PTPRD: variants seen among roughly 807,000 people sequenced by gnomAD.
PTPRD encodes the protein protein tyrosine phosphatase receptor type D.
In PTPRD, 34 loss-of-function variants were observed where a neutral mutation model predicts 214.5. The ratio of observed to expected loss-of-function variants is 0.16; its 90% CI spans 0.12 to 0.21. PTPRD has a LOEUF of 0.21. Among genes scored for constraint, PTPRD ranks in the 10% least tolerant of loss-of-function variants. The pLI, the probability that PTPRD is intolerant of heterozygous loss-of-function variation, is 1.00. For missense variants in PTPRD, 2,545 were observed against 2,398.7 expected, an observed-to-expected ratio of 1.06 and a Z score of -1.27; for synonymous variants, 1,128 against 845.7, an observed-to-expected ratio of 1.33 and a Z score of -5.79.
At position 9,828,402 on chromosome 9, in the gene PTPRD, CA is replaced by C. The variant is rs781293781; in HGVS notation, c.-367-61552del. On this transcript the variant is annotated intron_variant, in intron 5 of 45. Transcript: ENST00000381196. The stretch of plus-strand genomic sequence containing the variant: ...CATTCTCAGTAAACTATCACAAGGA[CA>C]AAAAACCAAACACTGCATGTTCTCA... 2.0e-5 allele frequency among the ~76,000 whole-genome samples: 3 copies of C among 152,032 alleles called. No homozygotes were observed. The East Asian group carries it at 5.8e-4, about 29-fold the overall frequency.
chr9:10,027,116 G>C (rs1250350080), intron 4 of PTPRD, among the ~76,000 whole-genome samples: 1 of 152,122 alleles, frequency 6.6e-6, no homozygotes, highest in Non-Finnish European at 1.5e-5. Flanking sequence ...AGGAATTAGA[G>C]TCAGATTCCT....
At chr9:9,402,125 C>A (rs906091696) in intron 8 of PTPRD, among the ~76,000 whole-genome samples, 1 of 151,664 alleles carries the variant, frequency 6.6e-6, no homozygotes, top group Non-Finnish European at 1.5e-5. Context: ...TATTGTAAAC[C>A]GACAGTAAAC....
chr9:8,760,922 C>G (rs188794486), intron 11 of PTPRD, among the ~76,000 whole-genome samples: 2 of 152,242 alleles, frequency 1.3e-5, no homozygotes, highest in East Asian at 3.9e-4. Flanking sequence ...ACTTCTATTT[C>G]TAGTGCCTAC....
intron 9 of PTPRD, among the ~76,000 whole-genome samples, chr9:9,374,176 G>A (rs1030679876): frequency 6.6e-6 from 1 of 151,954 alleles, no homozygotes; most frequent in East Asian, 1.9e-4. Flanking sequence ...TTTATGTAAA[G>A]TATTCCATCA....
chr9:10,280,309 A>C (rs2095025110), intron 3 of PTPRD, among the ~76,000 whole-genome samples: 1 of 151,794 alleles, frequency 6.6e-6, no homozygotes, highest in African/African-American at 2.4e-5. Context: ...AACACAGTTG[A>C]CAGGATGAGA....
intron 12 of PTPRD, among the ~76,000 whole-genome samples, chr9:8,668,518 T>G (rs1049661240): frequency 3.3e-5 from 5 of 152,184 alleles, no homozygotes; most frequent in Non-Finnish European, 5.9e-5. Flanking sequence ...TTACATAGAA[T>G]AAGATAATTT....
At chr9:8,825,143 A>G (rs903445244) in intron 11 of PTPRD, among the ~76,000 whole-genome samples, 1 of 152,162 alleles carries the variant, frequency 6.6e-6, no homozygotes, top group Admixed American at 6.5e-5. Context: ...TGAGGTCCCA[A>G]GATAACTTGT....
intron 11 of PTPRD, among the ~76,000 whole-genome samples, chr9:8,752,580 C>G (rs1364808535): frequency 1.3e-5 from 2 of 152,078 alleles, no homozygotes; most frequent in Non-Finnish European, 1.5e-5. Flanking sequence ...CTTTCTTGTG[C>G]GAGACTCAAG....
intron 12 of PTPRD, among the ~76,000 whole-genome samples, chr9:8,639,133 G>T (rs915528811): frequency 1.3e-5 from 2 of 152,252 alleles, no homozygotes; most frequent in African/African-American, 4.8e-5. Flanking sequence ...GAGCCACCAC[G>T]CCCGGCCTCA....
intron 39 of PTPRD, among the ~76,000 whole-genome samples, chr9:8,356,107 T>C (rs56380659): frequency 0.045 from 6,840 of 152,224 alleles, 410 homozygotes; most frequent in African/African-American, 0.13. Flanking sequence ...AAAGTTTGCT[T>C]TTCATTTTTT....
At chr9:8,475,292 A>C (rs1373983935) in intron 30 of PTPRD, among the ~76,000 whole-genome samples, 1 of 152,134 alleles carries the variant, frequency 6.6e-6, no homozygotes, top group Non-Finnish European at 1.5e-5. Flanking sequence ...TAAGATGTTA[A>C]CACTCTCCAT....
At chr9:10,039,402 G>A (rs954401258) in intron 3 of PTPRD, among the ~76,000 whole-genome samples, 2 of 151,966 alleles carry the variant, frequency 1.3e-5, no homozygotes, top group African/African-American at 4.8e-5. Context: ...GGACCTATAT[G>A]AGTTTTCTCG....
intron 5 of PTPRD, among the ~76,000 whole-genome samples, chr9:9,915,389 A>G (rs1057417237): frequency 5.3e-5 from 8 of 152,112 alleles, no homozygotes; most frequent in Non-Finnish European, 1.2e-4. Flanking sequence ...ACCAATCATA[A>G]GGAAATATAT....
chr9:8,799,928 T>G (rs867338729), intron 11 of PTPRD, among the ~76,000 whole-genome samples: 1 of 152,040 alleles, frequency 6.6e-6, no homozygotes, highest in East Asian at 1.9e-4. Flanking sequence ...AAAAACTTTT[T>G]GTTTTCAGGC....
chr9:9,956,038 C>T (rs575832530), intron 4 of PTPRD, among the ~76,000 whole-genome samples: 1 of 151,956 alleles, frequency 6.6e-6, no homozygotes, highest in African/African-American at 2.4e-5. Context: ...ATGTACCAAC[C>T]CACTAACTGT....
chr9:9,979,825 C>G (rs1002538667), intron 4 of PTPRD, among the ~76,000 whole-genome samples: 1 of 152,116 alleles, frequency 6.6e-6, no homozygotes, highest in African/African-American at 2.4e-5. Flanking sequence ...CCAGCTAACT[C>G]AGACATAGGT....
intron 2 of PTPRD, among the ~76,000 whole-genome samples, chr9:10,419,691 C>T (rs1057244142): frequency 3.3e-5 from 5 of 151,544 alleles, no homozygotes; most frequent in Non-Finnish European, 7.4e-5. Context: ...TTATGAAGTG[C>T]CAATGAAGAG....
intron 39 of PTPRD, among the ~76,000 whole-genome samples, chr9:8,345,666 G>T (rs1442515835): frequency 6.6e-6 from 1 of 152,040 alleles, no homozygotes; most frequent in South Asian, 2.1e-4. Flanking sequence ...CAAAATAATT[G>T]TATCATGATC....
chr9:10,508,409 C>G (rs2046813169), intron 2 of PTPRD, among the ~76,000 whole-genome samples: 1 of 152,160 alleles, frequency 6.6e-6, no homozygotes, highest in African/African-American at 2.4e-5. Flanking sequence ...GGATCTAGAA[C>G]TAGAAATACC....
Sources: allele counts gnomAD v4.1 joint callset (sites outside exome capture counted in the v4.1 genomes callset), GRCh38; gene constraint gnomAD v4.1.1; transcripts MANE v1.5; gene names NCBI Gene and HGNC (gene_info 2026-07-23, HGNC 2026-07-21).